Variants in DRD2 observed in about 807,000 individuals in gnomAD.
The protein encoded by DRD2 is dopamine receptor D2, also known as D(2) dopamine receptor.
A neutral mutation model predicts 38.0 loss-of-function variants in DRD2; 8 were observed. The observed-to-expected ratio is 0.21, with a 90% CI of 0.12 to 0.38. The LOEUF (loss-of-function observed/expected upper bound fraction) is 0.38, where lower values mean the gene tolerates loss of function less well. Among genes scored for constraint, DRD2 ranks in the 10% least tolerant of loss-of-function variants. The probability of loss-of-function intolerance (pLI) is 1.00; values close to 1 mark genes in which losing one functional copy is unlikely to be tolerated. For missense variants in DRD2, 403 were observed against 607.7 expected (o/e 0.66, Z 3.54); for synonymous variants, 230 against 238.6 (o/e 0.96, Z 0.33).
chr11:113,466,654 C>A (rs1951372974), intron 1 of DRD2, among the ~76,000 whole-genome samples: 1 of 152,164 alleles, frequency 6.6e-6, no homozygotes, highest in African/African-American at 2.4e-5. Context: ...TCAGACACTG[C>A]CACTCTTGTT....
In DRD2 at chr11:113,410,720, A is replaced by C. The variant is rs79266662; in HGVS notation, c.*7T>G. The C allele has an allele frequency of 6.2e-7, 1 of 1,614,180 alleles. No homozygotes were observed. The highest frequency in any genetic ancestry group is 8.5e-7 in the Non-Finnish European group (1 of 1,180,036). On this transcript the variant is annotated 3_prime_UTR_variant, in exon 8 of 8. Transcript: ENST00000362072. Reference sequence around the variant, plus strand: ...GAAGCAGGCTGCTGTGCGGGCAGGCAGCAGAGTCAGCAGTGGAGGATCTTC... The same window carrying C: ...GAAGCAGGCTGCTGTGCGGGCAGGCCGCAGAGTCAGCAGTGGAGGATCTTC...
Position 113,418,110 on chromosome 11 carries a change from C to T in DRD2, c.312G>A (p.Arg104=), listed in dbSNP as rs1950844758. ...LEVVGEWKFS[R]IHCDIFVTLD... is the part of the protein sequence containing the mutation. ...GAGTGACGAAGATGTCACAGTGAAT[C>T]CTGCTGAATTTCCACTCACCTACCA... Residue 104 remains arginine (R), a synonymous_variant, in exon 3 of 8, where the codon AGG becomes AGA. Coordinates refer to ENST00000362072, the MANE Select transcript of DRD2 (RefSeq NM_000795.4). 3.7e-6 allele frequency: 6 copies of T among 1,614,058 alleles called. No individual in the cohort carries two copies. The East Asian group carries it at 6.7e-5, about 18-fold the overall frequency.
intron 1 of DRD2, among the ~76,000 whole-genome samples, chr11:113,469,881 C>A (rs1436154072): frequency 1.3e-5 from 2 of 152,030 alleles, no homozygotes; most frequent in Non-Finnish European, 2.9e-5. Context: ...AATAAACAAA[C>A]AAAAAATGTA....
intron 1 of DRD2, among the ~76,000 whole-genome samples, chr11:113,473,130 T>C (rs1331272112): frequency 1.3e-5 from 2 of 152,222 alleles, no homozygotes; most frequent in East Asian, 3.8e-4. Context: ...AGGTACATGA[T>C]TCTTTTAACT....
chr11:113,431,476 G>T (rs1950987364), intron 1 of DRD2, among the ~76,000 whole-genome samples: 1 of 152,182 alleles, frequency 6.6e-6, no homozygotes, highest in South Asian at 2.1e-4. Flanking sequence ...GCAAGCTACT[G>T]GTCATCAAAG....
intron 4 of DRD2, among the ~76,000 whole-genome samples, chr11:113,415,944 G>A (rs72997602): frequency 5.9e-5 from 9 of 152,194 alleles, no homozygotes; most frequent in African/African-American, 2.2e-4. Context: ...AATGACACAA[G>A]AAAACTTTTA....
In DRD2 at chr11:113,410,674, C is replaced by A. The variant is rs1488766633; in HGVS notation, c.*53G>T. On this transcript the variant is annotated 3_prime_UTR_variant, in exon 8 of 8. Coordinates refer to ENST00000362072, the MANE Select transcript of DRD2 (RefSeq NM_000795.4). ...TCACGGTTCGCAAGGGTGAGGCTGGCCGGCCTGGGCAGGGAGGTGGGAAGC... is the reference window on the plus strand; with the variant it reads ...TCACGGTTCGCAAGGGTGAGGCTGGACGGCCTGGGCAGGGAGGTGGGAAGC... 6.2e-7 allele frequency: 1 copy of A among 1,610,396 alleles called. No individual in the cohort carries two copies. Among genetic ancestry groups the A allele is most frequent in the Admixed American group, 1.7e-5 (1 of 60,008 alleles).
intron 1 of DRD2, among the ~76,000 whole-genome samples, chr11:113,456,764 G>A (rs903524618): frequency 4.6e-5 from 7 of 152,148 alleles, no homozygotes; most frequent in Non-Finnish European, 8.8e-5. Flanking sequence ...TGGAGAATTC[G>A]TGTTGAATGA....
intron 1 of DRD2, among the ~76,000 whole-genome samples, chr11:113,464,722 T>G (rs1039925079): frequency 3.9e-5 from 6 of 152,254 alleles, no homozygotes; most frequent in Non-Finnish European, 8.8e-5. Context: ...GTTCAAGTGC[T>G]CAGTGATTCC....
chr11:113,462,081 T>G (rs1205279836), intron 1 of DRD2, among the ~76,000 whole-genome samples: 3 of 152,198 alleles, frequency 2.0e-5, no homozygotes, highest in Non-Finnish European at 4.4e-5. Context: ...AACTCCCAGT[T>G]GTACTAATTG....
intron 1 of DRD2, among the ~76,000 whole-genome samples, chr11:113,437,914 G>A (rs968211182): frequency 2.0e-5 from 3 of 152,206 alleles, no homozygotes; most frequent in African/African-American, 4.8e-5. Flanking sequence ...GCACAACAGG[G>A]AAGAGAGCAG....
chr11:113,457,759 C>T (rs895273126), intron 1 of DRD2, among the ~76,000 whole-genome samples: 4 of 152,244 alleles, frequency 2.6e-5, no homozygotes, highest in East Asian at 3.8e-4. Flanking sequence ...ATGGGCTGTC[C>T]GAGTGGCAGC....
chr11:113,433,179 G>A (rs1397087448), intron 1 of DRD2, among the ~76,000 whole-genome samples: 1 of 152,188 alleles, frequency 6.6e-6, no homozygotes, highest in Non-Finnish European at 1.5e-5. Context: ...AGCAATGGAC[G>A]ATGGCAACCT....
At chr11:113,425,276 T>C (rs1950929069) in intron 1 of DRD2, among the ~76,000 whole-genome samples, 1 of 152,150 alleles carries the variant, frequency 6.6e-6, no homozygotes, top group Non-Finnish European at 1.5e-5. Flanking sequence ...GAAGTGATGT[T>C]CAACAGACAA....
chr11:113,462,875 C>T (rs767631858), intron 1 of DRD2, among the ~76,000 whole-genome samples: 2 of 152,228 alleles, frequency 1.3e-5, no homozygotes, highest in Admixed American at 6.5e-5. Flanking sequence ...CACGCATGTG[C>T]TAGATGGAAC....
intron 1 of DRD2, among the ~76,000 whole-genome samples, chr11:113,425,318 T>A (rs1336874705): frequency 6.6e-6 from 1 of 152,028 alleles, no homozygotes; most frequent in Non-Finnish European, 1.5e-5. Context: ...ATTAGCCAGG[T>A]AAAGAACTAG....
At chr11:113,455,387 AT>A (rs1951259769) in intron 1 of DRD2, among the ~76,000 whole-genome samples, 1 of 152,104 alleles carries the variant, frequency 6.6e-6, no homozygotes, top group Non-Finnish European at 1.5e-5. Flanking sequence ...AATAAAAAAG[AT>A]GTCGATTTGG....
intron 1 of DRD2, among the ~76,000 whole-genome samples, chr11:113,435,635 GC>G (rs948785014): frequency 3.1e-5 from 3 of 98,030 alleles, no homozygotes; most frequent in African/African-American, 1.2e-4. Context: ...TCCTCCCCCC[GC>G]CCCCCCACTT....
At chr11:113,415,264 G>T in intron 5 of DRD2, 157 bp downstream of exon 5, 1 of 850,388 alleles carries the variant, frequency 1.2e-6, no homozygotes, top group Non-Finnish European at 1.7e-6. Context: ...TGAGGTCCAT[G>T]CCTTCAAAAT....
Sources: gnomAD v4.1 joint callset for allele counts (sites outside exome capture counted in the v4.1 genomes callset) on GRCh38, gnomAD v4.1.1 for gene constraint, MANE v1.5 for transcripts, NCBI Gene and HGNC (gene_info 2026-07-23, HGNC 2026-07-21) for gene names.